SPEN: variants seen among roughly 807,000 people sequenced by gnomAD.
SPEN encodes the protein spen family transcriptional repressor.
In SPEN, 18 loss-of-function variants were observed where a neutral mutation model predicts 269.9. The ratio of observed to expected loss-of-function variants is 0.07; its 90% CI spans 0.05 to 0.10. The LOEUF (loss-of-function observed/expected upper bound fraction) is 0.10. Among genes scored for constraint, SPEN ranks in the 10% least tolerant of loss-of-function variants. SPEN has a pLI of 1.00. For synonymous variants in SPEN, 1,726 were observed against 1,765.7 expected (o/e 0.98, Z 0.56); for missense variants, 3,822 against 4,631.2 (o/e 0.83, Z 5.07).
chr1:15,933,612 C>A lies in SPEN; in HGVS notation c.7372C>A (p.Pro2458Thr). Residue 2458 changes from proline to threonine, a missense_variant, in exon 11 of 15, where the codon CCG becomes ACG. By Grantham distance (38) the Pro-to-Thr change is conservative (BLOSUM62 -1). Around this residue, in one of 16 missense-constraint regions of SPEN, gnomAD observed 727 missense variants for 737.9 expected, o/e 0.99. Coordinates refer to ENST00000375759, the MANE Select transcript of SPEN (RefSeq NM_015001.3). This position sits in a 1 kb window ranked among gnomAD's most constrained non-coding sequence, Gnocchi z 5.7. Reference protein sequence around the residue: ...FRVHSIIESDPVTPPSDPSIP... With the variant: ...FRVHSIIESDTVTPPSDPSIP... The stretch of plus-strand genomic sequence containing the variant: ...GGTGCATTCCATCATTGAAAGTGAC[C>A]CGGTGACCCCACCCAGCGATCCAAG... 6.2e-7 allele frequency: 1 copy of A among 1,614,004 alleles called. No homozygotes were observed. The highest frequency in any genetic ancestry group is 8.5e-7 in the Non-Finnish European group (1 of 1,179,988).
chr1:15,891,905 T>A (rs1444460310), intron 3 of SPEN, among the ~76,000 whole-genome samples: 1 of 146,568 alleles, frequency 6.8e-6, no homozygotes, highest in African/African-American at 2.5e-5. Context: ...CCTGGTTTTT[T>A]TAAAAAAAAA....
intron 3 of SPEN, among the ~76,000 whole-genome samples, chr1:15,901,744 ACTG>A (rs2070903341): frequency 6.6e-6 from 1 of 151,820 alleles, no homozygotes; most frequent in Non-Finnish European, 1.5e-5. Flanking sequence ...GTCACATCAG[ACTG>A]CTGAACTGTT....
At chr1:15,913,886 A>T (rs1403624255) in intron 5 of SPEN, among the ~76,000 whole-genome samples, 10 of 151,998 alleles carry the variant, frequency 6.6e-5, no homozygotes, top group Admixed American at 5.2e-4. Flanking sequence ...AAGAAAGAAA[A>T]TGCACCAGGC....
chr1:15,850,225 G>T (rs571241241), intron 1 of SPEN, among the ~76,000 whole-genome samples: 3 of 152,272 alleles, frequency 2.0e-5, no homozygotes, highest in African/African-American at 7.2e-5. Flanking sequence ...GCCTTGGAAA[G>T]CGGCAGTCTG....
In SPEN at chr1:15,939,738, T is replaced by TTG. The variant is rs1201043493; in HGVS notation, c.*313_*314dup. The TTG allele has an allele frequency of 3.6e-6, 1 of 274,162 alleles. No individual in the cohort carries two copies. Among genetic ancestry groups the TTG allele is most frequent in the Non-Finnish European group, 6.9e-6 (1 of 145,794 alleles). 17.0% of individuals were successfully genotyped at this position (274,162 alleles called of 1,614,324 possible). ...AACAGGGCAGTGGAATGAAAATTTT[T>TTG]TGTTTGTTTGTTTTTAAGAAACAAG... On this transcript the variant is annotated 3_prime_UTR_variant, in exon 15 of 15. Transcript: ENST00000375759. The surrounding 1 kb of genome is among the most constrained non-coding windows in gnomAD (Gnocchi z 4.1).
At position 15,873,124 on chromosome 1, in the gene SPEN, G is replaced by A. The variant is rs1425005992; in HGVS notation, c.392G>A (p.Arg131Gln). The A allele has an allele frequency of 6.2e-6, 10 of 1,609,724 alleles. No individual in the cohort carries two copies. Among genetic ancestry groups the A allele is most frequent in the African/African-American group, 2.7e-5 (2 of 74,930 alleles). Residue 131 changes from arginine to glutamine, a missense_variant, in exon 2 of 15, where the codon CGG becomes CAG. By Grantham distance (43) the Arg-to-Gln change is conservative (BLOSUM62 1). Around this residue, in one of 16 missense-constraint regions of SPEN, gnomAD observed 327 missense variants for 350.8 expected, o/e 0.93. Transcript: ENST00000375759. ...SLHAREGRYE[R>Q]RLDGASDNRE... ...CATGCACGAGAAGGACGTTATGAGCGGAGACTTGATGGGTAAGTTCCAAGG... is the reference window on the plus strand; with the variant it reads ...CATGCACGAGAAGGACGTTATGAGCAGAGACTTGATGGGTAAGTTCCAAGG...
chr1:15,933,412 A>G lies in SPEN; in HGVS notation c.7172A>G (p.His2391Arg). The G allele has an allele frequency of 6.2e-7, 1 of 1,614,058 alleles. No individual in the cohort carries two copies. The highest frequency in any genetic ancestry group is 8.5e-7 in the Non-Finnish European group (1 of 1,180,020). The change falls in exon 11 of 15, where the codon CAT becomes CGT. Residue 2391 changes from histidine (H) to arginine (R), a missense_variant. Transcript: ENST00000375759. The surrounding 1 kb of genome is among the most constrained non-coding windows in gnomAD (Gnocchi z 5.7). ...GAAGAAAAGCAGAGTGAGAAACCCC[A>G]TTCCACTCCTCCTCAGTCATGTACT... ...PQEEKQSEKP[H>R]STPPQSCTSD...
rs750315312 is a variant in SPEN, at chr1:15,916,247, C to T, written c.1363C>T (p.Arg455Cys). ...LEKTTTYHDLRNIFQRFGEIV... is the reference protein window; with the variant it reads ...LEKTTTYHDLCNIFQRFGEIV... ...AAAAACCACTACTTACCATGACCTTCGCAACATCTTCCAGCGCTTTGGAGA... is the reference window on the plus strand; with the variant it reads ...AAAAACCACTACTTACCATGACCTTTGCAACATCTTCCAGCGCTTTGGAGA... The change falls in exon 6 of 15, where the codon CGC (arginine) becomes TGC (cysteine). Residue 455 changes from arginine to cysteine, a missense_variant. This residue lies in a region of SPEN where 230 missense variants were observed against 426.1 expected (regional missense o/e 0.54). Coordinates refer to ENST00000375759, the MANE Select transcript of SPEN (RefSeq NM_015001.3). The T allele has an allele frequency of 1.2e-6, 2 of 1,613,018 alleles. No homozygotes were observed. The highest frequency in any genetic ancestry group is 1.7e-5 in the Admixed American group (1 of 59,724).
rs2148745950 is a variant in SPEN at position 15,938,884 on chromosome 1, G to T, written c.10863+8G>T. On this transcript the variant is annotated splice_region_variant and intron_variant, in intron 14 of 14. Coordinates refer to ENST00000375759, the MANE Select transcript of SPEN (RefSeq NM_015001.3). ...AACCCTGGCTCCAATCAGGTCGGTT[G>T]TCCTGTGTCCTTCCTTCACATGTAC... 6.2e-7 allele frequency: 1 copy of T among 1,612,132 alleles called. No homozygotes were observed. Among genetic ancestry groups the T allele is most frequent in the Non-Finnish European group, 8.5e-7 (1 of 1,179,132 alleles).
intron 1 of SPEN, among the ~76,000 whole-genome samples, chr1:15,868,219 G>A (rs1257206270): frequency 6.6e-6 from 1 of 151,272 alleles, no homozygotes; most frequent in Non-Finnish European, 1.5e-5. Flanking sequence ...TGTTGTGTAG[G>A]TGGGTCTGGA....
Position 15,929,332 on chromosome 1 carries a change from G to A in SPEN, c.3092G>A (p.Arg1031Lys), listed in dbSNP as rs200656658. The A allele has an allele frequency of 6.2e-7, 1 of 1,613,568 alleles. No homozygotes were observed. Among genetic ancestry groups the A allele is most frequent in the African/African-American group, 1.3e-5 (1 of 74,972 alleles). The stretch of plus-strand genomic sequence containing the variant: ...TCCTCTAGAGAGGTCATTCTGCTGA[G>A]GGAAGGAGAGGCTGAAAGAAAGCCT... ...DVSSREVILL[R>K]EGEAERKPVR... The change falls in exon 11 of 15, where the codon AGG becomes AAG. Residue 1031 changes from arginine to lysine, a missense_variant. Transcript: ENST00000375759. The surrounding 1 kb of genome is among the most constrained non-coding windows in gnomAD (Gnocchi z 5.8).
intron 3 of SPEN, among the ~76,000 whole-genome samples, chr1:15,905,840 T>C (rs2148726410): frequency 6.6e-6 from 1 of 152,354 alleles, no homozygotes; most frequent in Non-Finnish European, 1.5e-5. Context: ...CCCAAAGTGC[T>C]GGGATTACAG....
intron 4 of SPEN, among the ~76,000 whole-genome samples, 172 bp downstream of exon 4, chr1:15,909,653 A>T (rs1260354322): frequency 6.6e-6 from 1 of 152,172 alleles, no homozygotes; most frequent in Non-Finnish European, 1.5e-5. Context: ...TGCTTAAGCT[A>T]TTCTGTGGTC....
intron 3 of SPEN, among the ~76,000 whole-genome samples, chr1:15,881,525 A>G (rs2070687236): frequency 6.6e-6 from 1 of 152,230 alleles, no homozygotes; most frequent in South Asian, 2.1e-4. Context: ...GCCTGAATGC[A>G]TATCACAGAA....
chr1:15,853,126 A>G (rs917915463), intron 1 of SPEN, among the ~76,000 whole-genome samples: 1 of 152,220 alleles, frequency 6.6e-6, no homozygotes, highest in African/African-American at 2.4e-5. Context: ...TGCTGGGATT[A>G]TAGGCATGAG....
At chr1:15,849,353 G>T (rs767266811) in intron 1 of SPEN, among the ~76,000 whole-genome samples, 1 of 152,348 alleles carries the variant, frequency 6.6e-6, no homozygotes, top group Non-Finnish European at 1.5e-5. Flanking sequence ...GCTTTGAGCC[G>T]CTTGGATAAG....
intron 5 of SPEN, among the ~76,000 whole-genome samples, chr1:15,914,347 A>T (rs1032655890): frequency 1.3e-5 from 2 of 152,230 alleles, no homozygotes. Context: ...TCATTTCAGT[A>T]AAGTTGATTA....
Position 15,935,227 on chromosome 1 carries a change from C to T in SPEN, c.8987C>T (p.Thr2996Ile), listed in dbSNP as rs886708273. Reference sequence around the variant, plus strand: ...CCTGCTCTGCCCAGCAAACTGCCTACAGAAGTCAACCATGTCCCCTCGGGG... The same window carrying T: ...CCTGCTCTGCCCAGCAAACTGCCTATAGAAGTCAACCATGTCCCCTCGGGG... Reference protein sequence around the residue: ...HPPALPSKLPTEVNHVPSGPS... With the variant: ...HPPALPSKLPIEVNHVPSGPS... The change falls in exon 11 of 15, where the codon ACA becomes ATA. Residue 2996 changes from threonine to isoleucine, a missense_variant. Physicochemically the swap from Thr to Ile is moderately conservative, Grantham distance 89. Around this residue, in one of 16 missense-constraint regions of SPEN, gnomAD observed 94 missense variants for 90.4 expected, o/e 1.04. Coordinates refer to ENST00000375759, the MANE Select transcript of SPEN (RefSeq NM_015001.3). The surrounding 1 kb of genome is among the most constrained non-coding windows in gnomAD (Gnocchi z 7.7). The T allele has an allele frequency of 2.5e-6, 4 of 1,614,190 alleles. No homozygotes were observed. The African/African-American group carries it at 4.0e-5, about 16-fold the overall frequency.
chr1:15,920,530 T>C (rs555778915), intron 8 of SPEN, among the ~76,000 whole-genome samples: 3 of 152,322 alleles, frequency 2.0e-5, no homozygotes, highest in Admixed American at 6.5e-5. Flanking sequence ...TTTTTTGCTG[T>C]TGTTGGTTTT....
Sources: gnomAD v4.1 joint callset for allele counts (sites outside exome capture counted in the v4.1 genomes callset) on GRCh38, gnomAD v4.1.1 for gene constraint, gnomAD v4.1.1 regional missense constraint, Gnocchi (gnomAD v3.1) non-coding constraint, MANE v1.5 for transcripts, NCBI Gene and HGNC (gene_info 2026-07-23, HGNC 2026-07-21) for gene names.